Variants in FAM161A observed in about 807,000 individuals in gnomAD.
FAM161A encodes the protein FAM161 centrosomal protein A.
A neutral mutation model predicts 70.9 loss-of-function variants in FAM161A; 57 were observed. That is an observed-to-expected ratio of 0.80 (90% CI 0.65 to 1.00). The LOEUF (loss-of-function observed/expected upper bound fraction) is 1.00, where lower values mean the gene tolerates loss of function less well. Ranked by LOEUF, FAM161A falls within the 50% of genes least tolerant of loss-of-function variation. FAM161A has a pLI of 0.00. For missense variants in FAM161A, 880 were observed against 836.0 expected, an observed-to-expected ratio of 1.05 and a Z score of -0.65; for synonymous variants, 299 against 295.7, an observed-to-expected ratio of 1.01 and a Z score of -0.12.
chr2:61,816,233 A>G, the FAM161A span, among the ~76,000 whole-genome samples: 1 of 152,142 alleles, frequency 6.6e-6, no homozygotes, highest in Non-Finnish European at 1.5e-5. Flanking sequence ...TATGCATAGA[A>G]GTCTTACTCC....
intron 1 of FAM161A, among the ~76,000 whole-genome samples, chr2:61,848,158 CAAG>C (rs1204979714): frequency 6.6e-6 from 1 of 152,120 alleles, no homozygotes; most frequent in Non-Finnish European, 1.5e-5. Context: ...GTCATTTACA[CAAG>C]AAGGATCAAA....
chr2:61,842,383 T>C (rs750650666), intron 1 of FAM161A, 23 bp from the exon 2 acceptor site: 65 of 1,433,926 alleles, frequency 4.5e-5, no homozygotes, highest in African/African-American at 5.7e-5. Context: ...AAACACTTGA[T>C]ATATAGTGAC....
chr2:61,810,482 G>A, the FAM161A span, among the ~76,000 whole-genome samples: 50 of 120,440 alleles, frequency 4.2e-4, no homozygotes, highest in East Asian at 0.01. Flanking sequence ...TTTTGAGATG[G>A]AGTCTCACTC....
the FAM161A span, among the ~76,000 whole-genome samples, chr2:61,815,535 CTTTTTTTTTTTTTTTTTTTTT>C: frequency 1.9e-5 from 1 of 53,210 alleles, no homozygotes; most frequent in South Asian, 1.1e-3. Flanking sequence ...AAAGATGTGT[CTTTTTTTTTTTTTTTTTTTTT>C]TTTTTTTTTT....
chr2:61,820,961 C>G (rs896688805), downstream of FAM161A, among the ~76,000 whole-genome samples: 1 of 152,138 alleles, frequency 6.6e-6, no homozygotes, highest in Non-Finnish European at 1.5e-5. Flanking sequence ...TACTCCCAGG[C>G]TCTTAGAGGC....
chr2:61,844,858 A>G (rs938283214), intron 1 of FAM161A, among the ~76,000 whole-genome samples: 2 of 152,230 alleles, frequency 1.3e-5, no homozygotes, highest in African/African-American at 2.4e-5. Context: ...AGACAGATGT[A>G]TGTCACAATG....
At chr2:61,808,807 G>C in the FAM161A span, among the ~76,000 whole-genome samples, 41 of 152,142 alleles carry the variant, frequency 2.7e-4, no homozygotes, top group African/African-American at 7.5e-4. Flanking sequence ...GCAAGATTTG[G>C]GAGGGAGTGG....
At chr2:61,812,429 T>G in the FAM161A span, among the ~76,000 whole-genome samples, 1 of 152,112 alleles carries the variant, frequency 6.6e-6, no homozygotes, top group East Asian at 1.9e-4. Context: ...AATAAAACAT[T>G]CCATACTTTA....
At chr2:61,834,518 A>C (rs899683525) in intron 5 of FAM161A, among the ~76,000 whole-genome samples, 2 of 151,250 alleles carry the variant, frequency 1.3e-5, no homozygotes, top group Non-Finnish European at 2.9e-5. Context: ...GCTGGAGTGC[A>C]ATGACGCAAT....
downstream of FAM161A, among the ~76,000 whole-genome samples, chr2:61,821,821 G>A (rs181488484): frequency 1.5e-4 from 23 of 152,024 alleles, no homozygotes; most frequent in Admixed American, 4.6e-4. Flanking sequence ...CCGGGCTGGA[G>A]TGCAGTGGCA....
chr2:61,806,172 T>A, the FAM161A span, among the ~76,000 whole-genome samples: 65 of 151,978 alleles, frequency 4.3e-4, 1 homozygote, highest in Non-Finnish European at 7.2e-4. Context: ...GAGCCGAGAC[T>A]GCACTACTGC....
rs946461493 is a variant in FAM161A, at chr2:61,839,947, T to C, written c.1057A>G (p.Asn353Asp). The stretch of plus-strand genomic sequence containing the variant: ...GGAATGGGTCTGGCTTTAAATCGAT[T>C]TGTTTTCTTTTTATACTTAAGAAAG... Reference protein sequence around the residue: ...RDFLKYKKKTNRFKARPIPRS... With the variant: ...RDFLKYKKKTDRFKARPIPRS... The change falls in exon 3 of 7, where the codon AAT becomes GAT. Residue 353 changes from asparagine to aspartate, a missense_variant. Physicochemically the swap from Asn to Asp is conservative, Grantham distance 23 (BLOSUM62 1). Coordinates refer to ENST00000404929, the MANE Select transcript of FAM161A (RefSeq NM_001201543.2). 3 of 1,614,082 alleles carry C rather than the reference T, an allele frequency of 1.9e-6. No homozygotes were observed. In the African/African-American group the frequency reaches 4.0e-5, roughly 22 times the overall value.
the FAM161A span, among the ~76,000 whole-genome samples, chr2:61,816,254 CT>C: frequency 3.9e-5 from 6 of 152,098 alleles, no homozygotes; most frequent in Non-Finnish European, 1.5e-5. Flanking sequence ...TGTGAACACA[CT>C]TTTTTCACTT....
intron 5 of FAM161A, among the ~76,000 whole-genome samples, chr2:61,831,661 T>C (rs1672579395): frequency 6.6e-6 from 1 of 152,196 alleles, no homozygotes; most frequent in African/African-American, 2.4e-5. Context: ...GGTTGTATCA[T>C]CTAAGCCTCA....
chr2:61,828,554 C>T (rs1672461418), intron 5 of FAM161A, among the ~76,000 whole-genome samples: 1 of 152,078 alleles, frequency 6.6e-6, no homozygotes. Flanking sequence ...CCTTGAATTC[C>T]TGGGTTTAAG....
At chr2:61,835,944 AGG>A in intron 5 of FAM161A, 64 bp downstream of exon 5, 1 of 998,078 alleles carries the variant, frequency 1.0e-6, no homozygotes, top group East Asian at 2.4e-5. Context: ...CTGTAAATTT[AGG>A]AGCTAAAGCT....
intron 1 of FAM161A, among the ~76,000 whole-genome samples, chr2:61,847,803 G>T (rs1264671190): frequency 6.6e-6 from 1 of 151,980 alleles, no homozygotes; most frequent in Admixed American, 6.6e-5. Flanking sequence ...GAAAGGCAAG[G>T]ATTTGTCTGC....
At chr2:61,826,699 A>C (rs1572857120) in intron 6 of FAM161A, 100 bp from the exon 7 acceptor site, 1 of 995,860 alleles carries the variant, frequency 1.0e-6, no homozygotes, top group East Asian at 2.5e-5. Context: ...AGTCTTCCTC[A>C]AGTGTATGAA....
chr2:61,815,653 C>T, the FAM161A span, among the ~76,000 whole-genome samples: 3 of 143,268 alleles, frequency 2.1e-5, no homozygotes, highest in Non-Finnish European at 4.5e-5. Context: ...CAGGTTAAAG[C>T]GATTCTCCTG....
Sources: gnomAD v4.1 joint callset for allele counts (sites outside exome capture counted in the v4.1 genomes callset) on GRCh38, gnomAD v4.1.1 for gene constraint, MANE v1.5 for transcripts, NCBI Gene and HGNC (gene_info 2026-07-23, HGNC 2026-07-21) for gene names.